Variants in NELL1 observed in about 807,000 individuals in gnomAD.
NELL1 encodes the protein protein kinase C-binding protein NELL1.
NELL1 carries 76 observed loss-of-function variants against 107.4 expected under a neutral mutation model. The observed-to-expected ratio is 0.71, with a 90% CI of 0.59 to 0.86. The LOEUF (loss-of-function observed/expected upper bound fraction) is 0.86, where lower values mean the gene tolerates loss of function less well. NELL1 is among the 40% of genes least tolerant of loss of function. The pLI is 0.00. For synonymous variants in NELL1, 353 were observed against 341.2 expected (o/e 1.03, Z -0.38); for missense variants, 1,024 against 1,005.5 (o/e 1.02, Z -0.25).
chr11:21,117,826 G>A (rs900580131), intron 13 of NELL1, among the ~76,000 whole-genome samples: 2 of 151,910 alleles, frequency 1.3e-5, no homozygotes, highest in African/African-American at 2.4e-5. Context: ...GCCATTAAAT[G>A]TTCTGACCAG....
At chr11:20,708,121 G>A (rs1855018415) in intron 2 of NELL1, among the ~76,000 whole-genome samples, 2 of 152,254 alleles carry the variant, frequency 1.3e-5, no homozygotes, top group African/African-American at 4.8e-5. Flanking sequence ...GAGTGAGGCT[G>A]TGTGGGCGTG....
intron 15 of NELL1, among the ~76,000 whole-genome samples, chr11:21,508,393 A>G (rs1245406228): frequency 6.6e-6 from 1 of 152,196 alleles, no homozygotes. Flanking sequence ...ACACATAGCT[A>G]TTCAAAACTG....
intron 3 of NELL1, among the ~76,000 whole-genome samples, chr11:20,819,317 G>C (rs1195875203): frequency 1.3e-5 from 2 of 152,202 alleles, no homozygotes; most frequent in Non-Finnish European, 2.9e-5. Flanking sequence ...AGAACAGTCA[G>C]TGAGAGGAAA....
At chr11:21,204,167 G>A (rs1160727653) in intron 13 of NELL1, among the ~76,000 whole-genome samples, 1 of 152,124 alleles carries the variant, frequency 6.6e-6, no homozygotes, top group Non-Finnish European at 1.5e-5. Flanking sequence ...GTCTTGCTAG[G>A]TTGGGGAAGT....
intron 2 of NELL1, among the ~76,000 whole-genome samples, chr11:20,709,249 C>G (rs368758446): frequency 6.6e-6 from 1 of 152,100 alleles, no homozygotes; most frequent in African/African-American, 2.4e-5. Context: ...TTTCATTATT[C>G]GACCTGGGGC....
chr11:20,982,833 A>T (rs1181776512), intron 12 of NELL1, among the ~76,000 whole-genome samples: 1 of 152,206 alleles, frequency 6.6e-6, no homozygotes, highest in Non-Finnish European at 1.5e-5. Flanking sequence ...TTTGTTAAAG[A>T]ATCTTAAAAG....
At chr11:21,424,225 T>C (rs1415939545) in intron 15 of NELL1, among the ~76,000 whole-genome samples, 1 of 152,106 alleles carries the variant, frequency 6.6e-6, no homozygotes, top group African/African-American at 2.4e-5. Flanking sequence ...TTTAGTAAAT[T>C]GACTAAGAAA....
chr11:21,147,095 T>C (rs1338633237), intron 13 of NELL1, among the ~76,000 whole-genome samples: 5 of 152,184 alleles, frequency 3.3e-5, no homozygotes, highest in South Asian at 2.1e-4. Flanking sequence ...GAGATTCCGA[T>C]GCATTAGGCT....
chr11:21,427,073 G>C (rs77065326), intron 15 of NELL1, among the ~76,000 whole-genome samples: 7 of 152,146 alleles, frequency 4.6e-5, no homozygotes, highest in South Asian at 2.1e-4. Context: ...TGGAGATGCT[G>C]CTGGGCAGTA....
At chr11:21,230,068 T>G (rs1169815634) in intron 14 of NELL1, among the ~76,000 whole-genome samples, 1 of 152,168 alleles carries the variant, frequency 6.6e-6, no homozygotes, top group African/African-American at 2.4e-5. Flanking sequence ...TGTTGTTGCC[T>G]CAGCCACAAT....
intron 15 of NELL1, among the ~76,000 whole-genome samples, chr11:21,493,655 A>T (rs774627689): frequency 4.2e-4 from 64 of 152,078 alleles, no homozygotes; most frequent in Non-Finnish European, 9.3e-4. Context: ...ACATATAGTT[A>T]CGTAGAAGAA....
At chr11:20,797,712 C>G (rs1034879085) in intron 3 of NELL1, among the ~76,000 whole-genome samples, 1 of 151,592 alleles carries the variant, frequency 6.6e-6, no homozygotes, top group African/African-American at 2.4e-5. Context: ...GGATGTAGTT[C>G]TATATTAGGG....
intron 11 of NELL1, among the ~76,000 whole-genome samples, chr11:20,958,487 A>G (rs1003485792): frequency 3.3e-5 from 5 of 152,332 alleles, no homozygotes; most frequent in African/African-American, 7.2e-5. Context: ...AGGGGTTGCC[A>G]CATGTAAAGG....
At chr11:20,875,899 G>A (rs184054125) in intron 4 of NELL1, among the ~76,000 whole-genome samples, 267 of 152,326 alleles carry the variant, frequency 1.8e-3, no homozygotes, top group African/African-American at 6.1e-3. Context: ...AAGCATGAAC[G>A]TGACAAGGGT....
intron 15 of NELL1, among the ~76,000 whole-genome samples, chr11:21,489,402 A>AAAAAAAAAAAAAAAAAAAAAAAG (rs1854738001): frequency 6.8e-6 from 1 of 146,030 alleles, no homozygotes; most frequent in Non-Finnish European, 1.5e-5. Flanking sequence ...AAAAAAAAAA[A>AAAAAAAAAAAAAAAAAAAAAAAG]AAAAAACAGA....
At chr11:21,115,446 A>T (rs538734455) in intron 13 of NELL1, among the ~76,000 whole-genome samples, 1 of 151,956 alleles carries the variant, frequency 6.6e-6, no homozygotes, top group East Asian at 1.9e-4. Flanking sequence ...GAAAGAAAGG[A>T]GGGGAGAGGA....
intron 14 of NELL1, among the ~76,000 whole-genome samples, chr11:21,364,547 C>T (rs1247550066): frequency 3.3e-5 from 5 of 151,896 alleles, no homozygotes; most frequent in South Asian, 2.1e-4. Flanking sequence ...GGATCGTAGC[C>T]GCACTTTATA....
intron 2 of NELL1, among the ~76,000 whole-genome samples, chr11:20,724,179 A>G (rs968739115): frequency 4.6e-5 from 7 of 152,212 alleles, no homozygotes; most frequent in Non-Finnish European, 7.3e-5. Context: ...AGATCTCTGC[A>G]ATGCTGTGGA....
intron 4 of NELL1, 120 bp downstream of exon 4, chr11:20,847,873 G>T (rs1340974342): frequency 6.5e-6 from 7 of 1,075,682 alleles, no homozygotes; most frequent in Non-Finnish European, 9.2e-6. Flanking sequence ...GACCCTAATT[G>T]TAATTTAACC....
Sources: gnomAD v4.1 joint callset for allele counts (sites outside exome capture counted in the v4.1 genomes callset) on GRCh38, gnomAD v4.1.1 for gene constraint, MANE v1.5 for transcripts, NCBI Gene and HGNC (gene_info 2026-07-23, HGNC 2026-07-21) for gene names.